The following ZEB1 variants were observed in gnomAD, a reference collection of about 807,000 sequenced individuals.
ZEB1 encodes zinc finger E-box-binding homeobox 1.
In ZEB1, 21 loss-of-function variants were observed where a neutral mutation model predicts 84.9. That is an observed-to-expected ratio of 0.25 (90% CI 0.18 to 0.36). The LOEUF is 0.36. Ranked by LOEUF, ZEB1 falls within the 10% of genes least tolerant of loss-of-function variation. The pLI is 1.00. For missense variants in ZEB1, 1,104 were observed against 1,330.2 expected (o/e 0.83, Z 2.65); for synonymous variants, 420 against 471.1 (o/e 0.89, Z 1.41).
intron 4 of ZEB1, among the ~76,000 whole-genome samples, chr10:31,505,955 T>G (rs957280923): frequency 6.6e-6 from 1 of 152,022 alleles, no homozygotes. Flanking sequence ...GATTTTCATT[T>G]AAAGAAATTT....
At chr10:31,459,745 G>A (rs1203739282) in intron 1 of ZEB1, among the ~76,000 whole-genome samples, 1 of 151,354 alleles carries the variant, frequency 6.6e-6, no homozygotes, top group Non-Finnish European at 1.5e-5. Context: ...GTCTATAAAA[G>A]CTGTTTTGGA....
At position 31,451,252 on chromosome 10, in the gene ZEB1, A is replaced by G. The variant is rs138841142; in HGVS notation, c.59-9785A>G. Among the ~76,000 whole-genome samples the G allele has an allele frequency of 6.7e-3, 1,022 of 152,272 alleles. 12 individuals are homozygous for G. Among genetic ancestry groups the G allele is most frequent in the African/African-American group, 0.022 (932 of 41,556 alleles). On this transcript the variant is annotated intron_variant, in intron 1 of 8. Coordinates refer to ENST00000424869, the MANE Select transcript of ZEB1 (RefSeq NM_001174096.2). ...GGTTTGGACAAAATATTTAAAAAGT[A>G]AGTTTCCTAAATTTCTTTATAGTTG... is the stretch of plus-strand genomic sequence containing the variant.
chr10:31,359,886 G>A (rs1228078734), intron 1 of ZEB1, among the ~76,000 whole-genome samples: 1 of 152,126 alleles, frequency 6.6e-6, no homozygotes, highest in Non-Finnish European at 1.5e-5. Flanking sequence ...TTAAGACAGT[G>A]TATTCAGGAA....
intron 3 of ZEB1, among the ~76,000 whole-genome samples, chr10:31,500,185 A>G (rs370994399): frequency 1.3e-5 from 2 of 152,070 alleles, no homozygotes; most frequent in African/African-American, 4.8e-5. Flanking sequence ...ATCACATAAA[A>G]TATTAATTTC....
At chr10:31,367,953 C>A (rs1400552714) in intron 1 of ZEB1, among the ~76,000 whole-genome samples, 2 of 148,518 alleles carry the variant, frequency 1.3e-5, no homozygotes, top group African/African-American at 4.9e-5. Flanking sequence ...TTATTATATA[C>A]TATATATATA....
chr10:31,443,855 T>A (rs904284111), intron 1 of ZEB1, among the ~76,000 whole-genome samples: 5 of 151,320 alleles, frequency 3.3e-5, no homozygotes, highest in Admixed American at 3.3e-4. Flanking sequence ...CTATCGTGAA[T>A]AGTGCCGCAA....
intron 2 of ZEB1, among the ~76,000 whole-genome samples, chr10:31,493,337 A>G (rs1240482044): frequency 6.6e-6 from 1 of 151,858 alleles, no homozygotes; most frequent in African/African-American, 2.4e-5. Context: ...CTTATTTTTT[A>G]GCCCACCTTT....
At chr10:31,319,020 T>C, upstream of ZEB1, 1 of 602,430 alleles carries the variant, frequency 1.7e-6, no homozygotes, top group South Asian at 1.8e-5. Flanking sequence ...AATTCAGCAG[T>C]GCCCACGGTT....
chr10:31,338,509 A>G (rs1024377111), intron 1 of ZEB1, among the ~76,000 whole-genome samples: 1 of 152,208 alleles, frequency 6.6e-6, no homozygotes, highest in Non-Finnish European at 1.5e-5. Flanking sequence ...GTAGATCTCT[A>G]AGAGGAGTAT....
At chr10:31,485,352 A>G (rs999982050) in intron 2 of ZEB1, among the ~76,000 whole-genome samples, 1 of 151,852 alleles carries the variant, frequency 6.6e-6, no homozygotes, top group Non-Finnish European at 1.5e-5. Flanking sequence ...CTAAGGACTA[A>G]CTGAGTTGTA....
At chr10:31,363,190 G>A in intron 1 of ZEB1, 1 of 1,534,022 alleles carries the variant, frequency 6.5e-7, no homozygotes, top group East Asian at 2.4e-5. Context: ...TGGAGAGCTG[G>A]GCAGGTGGTC....
intron 1 of ZEB1, among the ~76,000 whole-genome samples, chr10:31,422,302 G>A (rs140731186): frequency 1.1e-4 from 16 of 152,292 alleles, no homozygotes; most frequent in African/African-American, 1.4e-4. Context: ...AAGCTATGAA[G>A]TAGAAAGTAG....
intron 1 of ZEB1, among the ~76,000 whole-genome samples, chr10:31,327,924 A>G (rs2035942922): frequency 6.6e-6 from 1 of 152,078 alleles, no homozygotes; most frequent in Non-Finnish European, 1.5e-5. Context: ...ATTTCTTCAT[A>G]TCCTTGCTAG....
chr10:31,469,824 T>A (rs917506872), intron 2 of ZEB1, among the ~76,000 whole-genome samples: 18 of 152,172 alleles, frequency 1.2e-4, no homozygotes, highest in Admixed American at 2.6e-4. Context: ...TCTGACAGCT[T>A]TGAAGAGAGC....
rs1439976922 is a variant in ZEB1 at position 31,526,840 on chromosome 10, C to T, written c.2954C>T (p.Ser985Phe). ...SYSQHMNHRY[S>F]YCKREAEERD... ...TCTCAACACATGAATCATCGCTACT[C>T]CTACTGTAAGAGAGAAGCGGAAGAA... is the stretch of plus-strand genomic sequence containing the variant. Residue 985 changes from serine (S) to phenylalanine (F), a missense_variant, in exon 9 of 9, where the codon TCC becomes TTC. Ser to Phe is a radical substitution (Grantham distance 155). Around this residue, in one of 7 missense-constraint regions of ZEB1, gnomAD observed 173 missense variants for 167.0 expected, o/e 1.04. Coordinates refer to ENST00000424869, the MANE Select transcript of ZEB1 (RefSeq NM_001174096.2). 6.2e-7 allele frequency: 1 copy of T among 1,614,120 alleles called. No individual in the cohort carries two copies. Among genetic ancestry groups the T allele is most frequent in the Non-Finnish European group, 8.5e-7 (1 of 1,180,040 alleles).
At chr10:31,472,470 C>A (rs887475418) in intron 2 of ZEB1, among the ~76,000 whole-genome samples, 2 of 151,938 alleles carry the variant, frequency 1.3e-5, no homozygotes, top group Admixed American at 6.6e-5. Flanking sequence ...GAAATGGATA[C>A]ATTCCTCGAC....
At chr10:31,489,955 G>A (rs1207388629) in intron 2 of ZEB1, among the ~76,000 whole-genome samples, 1 of 151,328 alleles carries the variant, frequency 6.6e-6, no homozygotes, top group African/African-American at 2.4e-5. Flanking sequence ...GTTTTTTAAA[G>A]GATATTCTTA....
intron 1 of ZEB1, among the ~76,000 whole-genome samples, chr10:31,349,506 A>G (rs927613581): frequency 8.5e-5 from 13 of 152,162 alleles, no homozygotes; most frequent in Admixed American, 1.3e-4. Context: ...ACTGTTTTCC[A>G]TAGTGGCTGT....
Position 31,521,343 on chromosome 10 carries a change from C to A in ZEB1, c.2011C>A (p.Pro671Thr), listed in dbSNP as rs758533417. ...DQPQSANANE[P>T]QDSTVNLQSP... Reference sequence around the variant, plus strand: ...GCCTCAATCTGCAAATGCAAATGAACCCCAGGACAGCACAGTAAATCTACA... The same window carrying A: ...GCCTCAATCTGCAAATGCAAATGAAACCCAGGACAGCACAGTAAATCTACA... Residue 671 changes from proline to threonine, a missense_variant, in exon 7 of 9, where the codon CCC (proline) becomes ACC (threonine). Pro to Thr is a conservative substitution (Grantham distance 38). This residue lies in a region of ZEB1 where 531 missense variants were observed against 575.2 expected (regional missense o/e 0.92). Transcript: ENST00000424869. 6.8e-6 allele frequency: 11 copies of A among 1,613,944 alleles called. No homozygotes were observed. The highest frequency in any genetic ancestry group is 1.1e-5 in the South Asian group (1 of 91,080).
Sources: allele counts gnomAD v4.1 joint callset (sites outside exome capture counted in the v4.1 genomes callset), GRCh38; gene constraint gnomAD v4.1.1; regional missense constraint gnomAD v4.1.1; transcripts MANE v1.5; gene names NCBI Gene and HGNC (gene_info 2026-07-23, HGNC 2026-07-21).